The following NHSL1 variants were observed in gnomAD, a reference collection of about 807,000 sequenced individuals.
NHSL1 encodes NHS-like protein 1.
NHSL1 carries 48 observed loss-of-function variants against 95.0 expected under a neutral mutation model. That is an observed-to-expected ratio of 0.51 (90% confidence interval 0.40 to 0.64). The LOEUF is 0.64. NHSL1 is among the 30% of genes least tolerant of loss of function. The pLI, the probability that NHSL1 is intolerant of heterozygous loss-of-function variation, is 0.00. For missense variants in NHSL1, 1,971 were observed against 2,077.7 expected (o/e 0.95, Z 1.00); for synonymous variants, 783 against 833.9 (o/e 0.94, Z 1.05).
chr6:138,462,190 G>A (rs73774822), intron 3 of NHSL1, among the ~76,000 whole-genome samples: 1,902 of 152,320 alleles, frequency 0.012, 34 homozygotes, highest in African/African-American at 0.042. Context: ...ATAAAGAGTA[G>A]AGGTTTATTT....
intron 3 of NHSL1, among the ~76,000 whole-genome samples, chr6:138,455,312 G>T (rs555166952): frequency 6.6e-6 from 1 of 151,952 alleles, no homozygotes; most frequent in East Asian, 1.9e-4. Flanking sequence ...AAACTTTTTT[G>T]GGGGAAAAAA....
At chr6:138,475,080 C>T (rs1432658862) in intron 2 of NHSL1, among the ~76,000 whole-genome samples, 1 of 148,958 alleles carries the variant, frequency 6.7e-6, no homozygotes, top group Non-Finnish European at 1.5e-5. Context: ...ACCCGGGAGG[C>T]AGAAGTTGCG....
At chr6:138,435,107 T>C (rs771644359) in intron 5 of NHSL1, 3 of 154,500 alleles carry the variant, frequency 1.9e-5, no homozygotes, top group Admixed American at 1.3e-4. Flanking sequence ...GAGAGGGAAA[T>C]GGGCAAAAGG....
intron 3 of NHSL1, among the ~76,000 whole-genome samples, chr6:138,455,485 C>CCCTGCAAGGAGCCCCGCCTTCACATGCTT (rs1777531782): frequency 7.0e-5 from 1 of 14,334 alleles, no homozygotes; most frequent in Non-Finnish European, 2.5e-4. Context: ...TTCACATGCT[C>CCCTGCAAGGAGCCCCGCCTTCACATGCTT]CCTGCAAGGA....
At chr6:138,481,771 T>C (rs1779428866) in intron 2 of NHSL1, among the ~76,000 whole-genome samples, 1 of 152,190 alleles carries the variant, frequency 6.6e-6, no homozygotes, top group Non-Finnish European at 1.5e-5. Flanking sequence ...GGAATATGTA[T>C]AACAGCATAA....
chr6:138,467,163 A>G (rs1352593151), intron 3 of NHSL1, among the ~76,000 whole-genome samples: 1 of 151,444 alleles, frequency 6.6e-6, no homozygotes, highest in East Asian at 1.9e-4. Context: ...TTATATATAT[A>G]TATTTTTTTG....
rs924995411 is a variant in NHSL1, at chr6:138,638,473, T to C, written c.96+54003A>G. Among the ~76,000 whole-genome samples the C allele has an allele frequency of 2.0e-5, 3 of 152,304 alleles. No homozygotes were observed. In the East Asian group the frequency reaches 5.8e-4, roughly 29 times the overall value. On this transcript the variant is annotated intron_variant, in intron 1 of 3. Coordinates refer to the NHSL1 transcript ENST00000491526. ...ACCTCATAAACATATACACTTACTA[T>C]GCACCCACAAAAATTAAAAATTAAA... is the stretch of plus-strand genomic sequence containing the variant.
chr6:138,650,464 T>C, intron 1 of NHSL1: 1 of 1,049,520 alleles, frequency 9.5e-7, no homozygotes, highest in Non-Finnish European at 1.4e-6. Context: ...TGGCTCCGGA[T>C]GGCCAGGGCC....
intron 1 of NHSL1, among the ~76,000 whole-genome samples, chr6:138,679,546 C>T (rs1486350728): frequency 6.6e-6 from 1 of 152,126 alleles, no homozygotes; most frequent in Non-Finnish European, 1.5e-5. Context: ...GATAGAAAAA[C>T]ACATCTACTC....
chr6:138,650,101 G>A (rs963374508), intron 1 of NHSL1: 4 of 518,476 alleles, frequency 7.7e-6, no homozygotes, highest in East Asian at 5.5e-5. Flanking sequence ...ACTGAAGCCC[G>A]GCTGGGCGGG....
intron 1 of NHSL1, among the ~76,000 whole-genome samples, chr6:138,672,037 C>G (rs1785379245): frequency 6.6e-6 from 1 of 152,170 alleles, no homozygotes; most frequent in Non-Finnish European, 1.5e-5. Flanking sequence ...CACAAAAGAG[C>G]AAAAGGAGCG....
At chr6:138,461,528 T>C (rs1777996698) in intron 3 of NHSL1, among the ~76,000 whole-genome samples, 1 of 152,174 alleles carries the variant, frequency 6.6e-6, no homozygotes. Flanking sequence ...TCATAAACAA[T>C]GTCAAATGCT....
At chr6:138,588,626 A>G (rs1475011579) in intron 1 of NHSL1, among the ~76,000 whole-genome samples, 1 of 152,258 alleles carries the variant, frequency 6.6e-6, no homozygotes, top group African/African-American at 2.4e-5. Context: ...ATCTGTCCGT[A>G]GAACAGACAC....
chr6:138,436,563 C>CG, intron 5 of NHSL1, among the ~76,000 whole-genome samples: 1 of 152,300 alleles, frequency 6.6e-6, no homozygotes, highest in Non-Finnish European at 1.5e-5. Context: ...CAAATGCTGA[C>CG]GGAAAAGCTG....
At chr6:138,435,223 C>A (rs914132859) in intron 5 of NHSL1, 1 of 154,746 alleles carries the variant, frequency 6.5e-6, no homozygotes. Flanking sequence ...TATACGAGTT[C>A]AATTCCAAAC....
At chr6:138,447,367 A>G (rs967225873) in intron 3 of NHSL1, among the ~76,000 whole-genome samples, 174 bp from the exon 4 acceptor site, 1 of 152,240 alleles carries the variant, frequency 6.6e-6, no homozygotes, top group African/African-American at 2.4e-5. Context: ...GACCTATAAT[A>G]TGCATGATTC....
intron 1 of NHSL1, among the ~76,000 whole-genome samples, chr6:138,641,225 C>T (rs1784955573): frequency 6.6e-6 from 1 of 152,196 alleles, no homozygotes; most frequent in Admixed American, 6.5e-5. Flanking sequence ...ATTACTAAAA[C>T]AAGCACTTAG....
At chr6:138,645,357 C>G (rs1785003893) in intron 1 of NHSL1, among the ~76,000 whole-genome samples, 1 of 152,150 alleles carries the variant, frequency 6.6e-6, no homozygotes. Context: ...GCTCAAAAGT[C>G]ACCTTAATGA....
intron 1 of NHSL1, among the ~76,000 whole-genome samples, chr6:138,641,031 C>T (rs1784952959): frequency 6.6e-6 from 1 of 152,204 alleles, no homozygotes; most frequent in African/African-American, 2.4e-5. Flanking sequence ...ACAGTCCTCC[C>T]ACCCCAAAGC....
Sources: allele counts gnomAD v4.1 joint callset (sites outside exome capture counted in the v4.1 genomes callset), GRCh38; gene constraint gnomAD v4.1.1; transcripts MANE v1.5; gene names NCBI Gene and HGNC (gene_info 2026-07-23, HGNC 2026-07-21).